The following KIF17 variants were observed in gnomAD, a reference collection of about 807,000 sequenced individuals.
KIF17 encodes the protein kinesin-like protein KIF17.
Under a neutral mutation model 96.8 loss-of-function variants are expected in KIF17, and 80 were observed. The ratio of observed to expected loss-of-function variants is 0.83; its 90% confidence interval spans 0.69 to 1.00. The LOEUF is 1.00. Ranked by LOEUF, KIF17 falls within the 50% of genes least tolerant of loss-of-function variation. The pLI, the probability that KIF17 is intolerant of heterozygous loss-of-function variation, is 0.00. For missense variants in KIF17, 1,280 were observed against 1,372.9 expected (o/e 0.93, Z 1.07); for synonymous variants, 567 against 587.5 (o/e 0.97, Z 0.51).
chr1:20,717,720 G>C lies in KIF17; in HGVS notation c.-14C>G. 1 of 1,552,194 alleles carries C rather than the reference G, an allele frequency of 6.4e-7. No individual in the cohort carries two copies. Among genetic ancestry groups the C allele is most frequent in the Non-Finnish European group, 8.7e-7 (1 of 1,155,360 alleles). ...CTCGGAGGCCATGGCGCCGCGCCCA[G>C]GACCAACGGGACCAGAGCTGACCCC... On this transcript the variant is annotated 5_prime_UTR_variant, in exon 1 of 15. Transcript: ENST00000400463.
At chr1:20,679,599 G>A (rs74058955) in intron 11 of KIF17, among the ~76,000 whole-genome samples, 18 of 152,296 alleles carry the variant, frequency 1.2e-4, no homozygotes, top group Non-Finnish European at 2.5e-4. Context: ...GACATTCCAC[G>A]CGTGAGAGGG....
chr1:20,703,232 G>A (rs535382030), intron 5 of KIF17, among the ~76,000 whole-genome samples: 1 of 151,710 alleles, frequency 6.6e-6, no homozygotes, highest in East Asian at 1.9e-4. Context: ...AAGGAAGAAA[G>A]GATCTCTGGA....
At chr1:20,701,608 C>A in intron 5 of KIF17, among the ~76,000 whole-genome samples, 1 of 152,066 alleles carries the variant, frequency 6.6e-6, no homozygotes, top group East Asian at 1.9e-4. Flanking sequence ...GGCCAGGGAG[C>A]AGGGACGACT....
intron 11 of KIF17, among the ~76,000 whole-genome samples, chr1:20,674,773 C>G (rs535942278): frequency 4.6e-5 from 7 of 152,198 alleles, no homozygotes; most frequent in African/African-American, 1.7e-4. Context: ...TATTCATTGG[C>G]ATGTGAATAT....
intron 6 of KIF17, among the ~76,000 whole-genome samples, chr1:20,697,261 A>AT (rs2054158814): frequency 6.6e-6 from 1 of 152,164 alleles, no homozygotes; most frequent in African/African-American, 2.4e-5. Flanking sequence ...TAGCCCCGGG[A>AT]TAGCTCGTCC....
chr1:20,670,989 G>A (rs868455574), intron 12 of KIF17, among the ~76,000 whole-genome samples: 1 of 152,162 alleles, frequency 6.6e-6, no homozygotes, highest in African/African-American at 2.4e-5. Context: ...AAGGTCATCT[G>A]ATCCAACCCC....
intron 6 of KIF17, among the ~76,000 whole-genome samples, chr1:20,694,795 G>A (rs2054105038): frequency 6.6e-6 from 1 of 152,108 alleles, no homozygotes; most frequent in South Asian, 2.1e-4. Flanking sequence ...TGACCAGGCA[G>A]CTCCTCAGAG....
rs760160254 is a variant in KIF17, at chr1:20,684,918, C to T, written c.2122G>A (p.Glu708Lys). ...QAPVALVAQP[E>K]PLPATAGVKR... is the part of the protein sequence containing the mutation. ...ACACCAGCTGTGGCCGGCAGGGGCT[C>T]AGGCTGAGCCACCAGGGCCACCGGG... The change falls in exon 10 of 15, where the codon GAG (glutamate) becomes AAG (lysine). Residue 708 changes from glutamate (E) to lysine (K), a missense_variant. Coordinates refer to ENST00000400463, the MANE Select transcript of KIF17 (RefSeq NM_001122819.3). 1 of 1,595,492 alleles carries T rather than the reference C, an allele frequency of 6.3e-7. No homozygotes were observed. Among genetic ancestry groups the T allele is most frequent in the Admixed American group, 1.7e-5 (1 of 57,278 alleles).
chr1:20,677,793 T>G (rs868755399), intron 11 of KIF17, among the ~76,000 whole-genome samples: 4 of 152,196 alleles, frequency 2.6e-5, no homozygotes, highest in Admixed American at 6.5e-5. Flanking sequence ...GAGGTGGAGA[T>G]TGCAGTGAGC....
chr1:20,688,848 C>T (rs934578125), intron 7 of KIF17, among the ~76,000 whole-genome samples: 10 of 152,190 alleles, frequency 6.6e-5, no homozygotes, highest in African/African-American at 2.2e-4. Context: ...AGAATCTGCT[C>T]CCTCCCCTTC....
intron 10 of KIF17, among the ~76,000 whole-genome samples, chr1:20,683,360 G>A (rs1410761589): frequency 6.6e-6 from 1 of 152,180 alleles, no homozygotes; most frequent in Non-Finnish European, 1.5e-5. Flanking sequence ...GTCCTTTAGA[G>A]GTACAAATTT....
At chr1:20,684,303 C>A (rs1411010294) in intron 10 of KIF17, among the ~76,000 whole-genome samples, 3 of 152,234 alleles carry the variant, frequency 2.0e-5, no homozygotes, top group Admixed American at 2.0e-4. Context: ...GGGACTGGGT[C>A]TCCGCCTGTT....
intron 6 of KIF17, among the ~76,000 whole-genome samples, chr1:20,694,429 CA>C (rs113642045): frequency 0.063 from 9,530 of 152,242 alleles, 365 homozygotes; most frequent in African/African-American, 0.086. Flanking sequence ...GCAACATATT[CA>C]GGCCTCTGAC....
intron 14 of KIF17, among the ~76,000 whole-genome samples, chr1:20,665,494 A>G (rs1211691554): frequency 6.8e-6 from 1 of 147,394 alleles, no homozygotes; most frequent in Non-Finnish European, 1.5e-5. Flanking sequence ...CCACCTCCCA[A>G]GCTCAAGCGA....
intron 5 of KIF17, among the ~76,000 whole-genome samples, chr1:20,703,486 A>ATGCATG (rs2054280923): frequency 2.9e-5 from 3 of 103,034 alleles, no homozygotes; most frequent in African/African-American, 1.1e-4. Flanking sequence ...ATAGATGGAT[A>ATGCATG]GATGGATGGA....
chr1:20,711,599 A>C (rs1285081977), intron 3 of KIF17, among the ~76,000 whole-genome samples: 1 of 152,166 alleles, frequency 6.6e-6, no homozygotes, highest in East Asian at 1.9e-4. Flanking sequence ...ATGGGTGGGA[A>C]GAACCCGCTG....
intron 6 of KIF17, among the ~76,000 whole-genome samples, chr1:20,695,008 ACACACACATGCAGG>A (rs904104138): frequency 4.7e-4 from 71 of 152,248 alleles, no homozygotes; most frequent in Admixed American, 2.7e-3. Context: ...ATATATGCGC[ACACACACATGCAGG>A]CACACACATG....
chr1:20,674,796 G>A (rs952644448), intron 11 of KIF17, among the ~76,000 whole-genome samples: 5 of 151,916 alleles, frequency 3.3e-5, no homozygotes, highest in Non-Finnish European at 5.9e-5. Context: ...AGTTGTCCCC[G>A]CACCATTTAT....
rs1350902154 is a variant in KIF17, at chr1:20,703,487, GATGGATGGATGC to G, written c.1123+948_1123+959del. Among the ~76,000 whole-genome samples, 30 of 109,930 alleles carry G rather than the reference GATGGATGGATGC, an allele frequency of 2.7e-4. 1 individual carries two copies. The highest frequency in any genetic ancestry group is 1.3e-3 in the South Asian group (4 of 3,030). 72.1% of individuals were successfully genotyped at this position (109,930 alleles called of 152,430 possible). A position where few individuals can be genotyped will look rare whatever the true frequency, so the allele number is the denominator to read the frequency against. On this transcript the variant is annotated intron_variant, in intron 5 of 14. Coordinates refer to ENST00000400463, the MANE Select transcript of KIF17 (RefSeq NM_001122819.3). ...AGATGGGAGGATGGATAGATGGATA[GATGGATGGATGC>G]ATGGATGGATGGATGGATGGATGGA...
Sources: allele counts gnomAD v4.1 joint callset (sites outside exome capture counted in the v4.1 genomes callset), GRCh38; gene constraint gnomAD v4.1.1; transcripts MANE v1.5; gene names NCBI Gene and HGNC (gene_info 2026-07-23, HGNC 2026-07-21).